URGCP: variants seen among roughly 807,000 people sequenced by gnomAD.
URGCP encodes upregulator of cell proliferation.
In URGCP, 13 loss-of-function variants were observed where a neutral mutation model predicts 24.6. That is an observed-to-expected ratio of 0.53 (90% confidence interval 0.34 to 0.84). The LOEUF (loss-of-function observed/expected upper bound fraction) is 0.84, where lower values mean the gene tolerates loss of function less well. URGCP is among the 40% of genes least tolerant of loss of function. The pLI is 0.01. For missense variants in URGCP, 899 were observed against 1,194.3 expected (o/e 0.75, Z 3.64); for synonymous variants, 444 against 487.2 (o/e 0.91, Z 1.17).
intron 1 of URGCP, chr7:43,919,442 C>T (rs1332278719): frequency 4.3e-6 from 4 of 932,812 alleles, no homozygotes; most frequent in African/African-American, 1.6e-5. Context: ...ACCCCAGCTA[C>T]ATGGACAATG....
intron 1 of URGCP, among the ~76,000 whole-genome samples, chr7:43,920,948 A>C (rs2095921702): frequency 6.6e-6 from 1 of 152,078 alleles, no homozygotes; most frequent in South Asian, 2.1e-4. Context: ...CAATTAGGAG[A>C]TTGGTGAACA....
intron 1 of URGCP, among the ~76,000 whole-genome samples, chr7:43,894,117 C>T (rs1384060659): frequency 1.3e-5 from 2 of 152,022 alleles, no homozygotes; most frequent in East Asian, 3.8e-4. Context: ...GAGATAAATG[C>T]CAATACGATA....
intron 3 of URGCP, among the ~76,000 whole-genome samples, chr7:43,886,915 A>G (rs1212164086): frequency 6.6e-6 from 1 of 152,216 alleles, no homozygotes; most frequent in Non-Finnish European, 1.5e-5. Flanking sequence ...TCCTCAGAGA[A>G]AGAAAAACCA....
intron 1 of URGCP, among the ~76,000 whole-genome samples, chr7:43,901,747 A>G (rs930082169): frequency 6.6e-6 from 1 of 152,292 alleles, no homozygotes; most frequent in African/African-American, 2.4e-5. Flanking sequence ...GGCCTGGCCC[A>G]TTCAGACCAG....
intron 1 of URGCP, among the ~76,000 whole-genome samples, chr7:43,898,980 G>A (rs1585819050): frequency 1.3e-5 from 2 of 148,882 alleles, no homozygotes; most frequent in African/African-American, 2.4e-5. Context: ...CTAAAAGTAC[G>A]AAAATTAGCC....
At chr7:43,881,052 A>G in intron 5 of URGCP, 1 of 631,554 alleles carries the variant, frequency 1.6e-6, no homozygotes, top group Non-Finnish European at 2.8e-6. Flanking sequence ...CAAAAGTACT[A>G]TATGGGAAGA....
intron 1 of URGCP, among the ~76,000 whole-genome samples, chr7:43,913,354 G>C (rs1302683061): frequency 6.6e-6 from 1 of 151,440 alleles, no homozygotes; most frequent in African/African-American, 2.4e-5. Flanking sequence ...GACTACAGGC[G>C]CCTGCCACCA....
chr7:43,876,766 T>C lies in URGCP; in HGVS notation c.2697A>G (p.Ile899Met), dbSNP rs757488108. The C allele has an allele frequency of 3.7e-5, 60 of 1,614,116 alleles. No individual in the cohort carries two copies. The highest frequency in any genetic ancestry group is 5.1e-5 in the Non-Finnish European group (60 of 1,180,050). ...CGAGTAGGCATCTCTTCAATTCAAA[T>C]ATGGCTTCACTGTAGGCCAAGCTCA... ...AAVSLAYSEA[I>M]FELKRCLLEN... The change falls in exon 6 of 6, where the codon ATA becomes ATG. Residue 899 changes from isoleucine (I) to methionine (M), a missense_variant. Transcript: ENST00000453200.
At chr7:43,921,592 A>G (rs1334269248) in intron 1 of URGCP, among the ~76,000 whole-genome samples, 1 of 152,212 alleles carries the variant, frequency 6.6e-6, no homozygotes, top group Non-Finnish European at 1.5e-5. Flanking sequence ...GAACTGTTCA[A>G]CTTGCCTACT....
chr7:43,921,305 G>A (rs1358910964), intron 1 of URGCP, among the ~76,000 whole-genome samples: 2 of 149,682 alleles, frequency 1.3e-5, no homozygotes, highest in Admixed American at 6.7e-5. Flanking sequence ...CAGCCTGGGC[G>A]AAATAGCGAG....
chr7:43,896,917 T>C (rs2095879461), intron 1 of URGCP, among the ~76,000 whole-genome samples: 1 of 152,212 alleles, frequency 6.6e-6, no homozygotes. Context: ...CACATATTTA[T>C]TGTTCTCTTG....
chr7:43,899,897 G>A (rs1367872046), intron 1 of URGCP, among the ~76,000 whole-genome samples: 2 of 152,174 alleles, frequency 1.3e-5, no homozygotes, highest in Non-Finnish European at 2.9e-5. Flanking sequence ...CACTTTGGGA[G>A]GCTGAGGTGG....
intron 1 of URGCP, among the ~76,000 whole-genome samples, chr7:43,892,373 C>T (rs2095872282): frequency 6.6e-6 from 1 of 152,024 alleles, no homozygotes; most frequent in South Asian, 2.1e-4. Flanking sequence ...CCCACCTCGG[C>T]CTCCCAAAGT....
Position 43,876,500 on chromosome 7 carries a change from CTT to C in URGCP, c.*165_*166del. 1.4e-6 allele frequency: 1 copy of C among 720,208 alleles called. No homozygotes were observed. The highest frequency in any genetic ancestry group is 2.6e-5 in the East Asian group (1 of 39,088). The allele number at this position is 720,208 out of a possible 1,614,324, so 44.6% of individuals were successfully genotyped here. On this transcript the variant is annotated 3_prime_UTR_variant, in exon 6 of 6. Transcript: ENST00000453200. Reference sequence around the variant, plus strand: ...GAGCTGGTCTGTGAGGTCACTTCCTCTTTTAACACTGTTGAGGAGACTCCAAA... The same window carrying C: ...GAGCTGGTCTGTGAGGTCACTTCCTCTTAACACTGTTGAGGAGACTCCAAA...
chr7:43,902,817 A>AAGGC (rs1437555648), intron 1 of URGCP, among the ~76,000 whole-genome samples: 1 of 152,194 alleles, frequency 6.6e-6, no homozygotes, highest in Non-Finnish European at 1.5e-5. Flanking sequence ...TCAAGTTACA[A>AAGGC]CAGGCAGGAA....
chr7:43,920,101 C>A (rs940218630), intron 1 of URGCP: 2 of 1,058,668 alleles, frequency 1.9e-6, no homozygotes, highest in Non-Finnish European at 2.8e-6. Context: ...ACTGGTTGAC[C>A]AAGGCCCTGC....
chr7:43,919,244 C>T (rs1285869923), intron 1 of URGCP: 1 of 834,324 alleles, frequency 1.2e-6, no homozygotes, highest in African/African-American at 1.7e-5. Context: ...ACGTGGTGGT[C>T]CAGCTTTATA....
intron 1 of URGCP, among the ~76,000 whole-genome samples, chr7:43,897,402 G>C (rs1288216213): frequency 6.6e-6 from 1 of 152,056 alleles, no homozygotes; most frequent in Non-Finnish European, 1.5e-5. Flanking sequence ...ATGACTACCA[G>C]GGGAAGACTG....
intron 1 of URGCP, among the ~76,000 whole-genome samples, chr7:43,923,411 C>A (rs998747197): frequency 6.6e-6 from 1 of 151,936 alleles, no homozygotes; most frequent in African/African-American, 2.4e-5. Flanking sequence ...CTCAACCTCC[C>A]GAATAGCTGT....
Sources: gnomAD v4.1 joint callset for allele counts (sites outside exome capture counted in the v4.1 genomes callset) on GRCh38, gnomAD v4.1.1 for gene constraint, MANE v1.5 for transcripts, NCBI Gene and HGNC (gene_info 2026-07-23, HGNC 2026-07-21) for gene names.